BTLA: variants seen among roughly 807,000 people sequenced by gnomAD.
BTLA encodes B- and T-lymphocyte attenuator.
In BTLA, 11 loss-of-function variants were observed where a neutral mutation model predicts 25.0. The ratio of observed to expected loss-of-function variants is 0.44; its 90% CI spans 0.28 to 0.73. BTLA has a LOEUF of 0.73. Among genes scored for constraint, BTLA ranks in the 30% least tolerant of loss-of-function variants. BTLA has a pLI of 0.15. For missense variants in BTLA, 282 were observed against 332.8 expected, an observed-to-expected ratio of 0.85 and a Z score of 1.19; for synonymous variants, 104 against 119.8, an observed-to-expected ratio of 0.87 and a Z score of 0.86.
In BTLA at chr3:112,465,888, T is replaced by C. The variant is rs1473772842; in HGVS notation, c.*220A>G. 1 of 413,640 alleles carries C rather than the reference T, an allele frequency of 2.4e-6. No individual in the cohort carries two copies. Among genetic ancestry groups the C allele is most frequent in the Non-Finnish European group, 4.2e-6 (1 of 238,346 alleles). 25.6% of individuals were successfully genotyped at this position (413,640 alleles called of 1,614,324 possible). On this transcript the variant is annotated 3_prime_UTR_variant, in exon 5 of 5. Coordinates refer to ENST00000334529, the MANE Select transcript of BTLA (RefSeq NM_181780.4). ...ATGATGTCAACCAGTTTTGGAGAGA[T>C]TTTGTTATTCAAGGCTATAATATAA...
At chr3:112,489,021 C>T (rs2082365502) in intron 1 of BTLA, among the ~76,000 whole-genome samples, 1 of 152,106 alleles carries the variant, frequency 6.6e-6, no homozygotes, top group African/African-American at 2.4e-5. Flanking sequence ...GGTTGCACAG[C>T]AGAGACAGCT....
intron 1 of BTLA, among the ~76,000 whole-genome samples, chr3:112,486,950 G>A (rs2082350940): frequency 6.6e-6 from 1 of 152,142 alleles, no homozygotes; most frequent in Non-Finnish European, 1.5e-5. Context: ...AATGTTGAAA[G>A]GCTGGAGTAT....
chr3:112,471,857 C>T lies in BTLA; in HGVS notation c.404-502G>A, dbSNP rs139351044. Reference sequence around the variant, plus strand: ...TATCAGAATCTCCAAATATCAAATACTTTTGATAGCCTTAAAAGTGCTCTG... The same window carrying T: ...TATCAGAATCTCCAAATATCAAATATTTTTGATAGCCTTAAAAGTGCTCTG... On this transcript the variant is annotated intron_variant, in intron 2 of 4. Transcript: ENST00000334529. Among the ~76,000 whole-genome samples, 611 of 152,302 alleles carry T rather than the reference C, an allele frequency of 4.0e-3. 1 individual carries two copies. The highest frequency in any genetic ancestry group is 6.6e-3 in the Non-Finnish European group (448 of 68,020).
At chr3:112,466,481 T>A (rs1326145054) in intron 4 of BTLA, 98 bp from the exon 5 acceptor site, 2 of 1,138,176 alleles carry the variant, frequency 1.8e-6, no homozygotes, top group Non-Finnish European at 2.4e-6. Flanking sequence ...TGGAGTCATG[T>A]CCATTGTGAG....
rs1453978735 is a variant in BTLA, at chr3:112,466,339, C to T, written c.639G>A (p.Arg213=). 4 of 1,612,828 alleles carry T rather than the reference C, an allele frequency of 2.5e-6. No individual in the cohort carries two copies. Among genetic ancestry groups the T allele is most frequent in the Non-Finnish European group, 3.4e-6 (4 of 1,179,412 alleles). Residue 213 remains arginine (R), a synonymous_variant, in exon 5 of 5, where the codon AGG becomes AGA. Coordinates refer to ENST00000334529, the MANE Select transcript of BTLA (RefSeq NM_181780.4). ...LKSEQTEAST[R]QNSQVLLSET... Reference sequence around the variant, plus strand: ...CTGATAGCAGTACTTGGGAATTTTGCCTGGTGCTTGCTTCTGTTTGCTCAC... The same window carrying T: ...CTGATAGCAGTACTTGGGAATTTTGTCTGGTGCTTGCTTCTGTTTGCTCAC...
chr3:112,487,303 G>A (rs1477095792), intron 1 of BTLA, among the ~76,000 whole-genome samples: 1 of 152,186 alleles, frequency 6.6e-6, no homozygotes, highest in Non-Finnish European at 1.5e-5. Context: ...AAAGGAAACC[G>A]GCCGGGCGTG....
intron 2 of BTLA, among the ~76,000 whole-genome samples, chr3:112,477,599 A>G (rs2082295824): frequency 6.6e-6 from 1 of 152,026 alleles, no homozygotes; most frequent in Non-Finnish European, 1.5e-5. Flanking sequence ...AATTTTTATG[A>G]AGTCCAATTT....
chr3:112,470,604 C>T (rs1368466086), intron 3 of BTLA, among the ~76,000 whole-genome samples: 1 of 152,188 alleles, frequency 6.6e-6, no homozygotes, highest in Admixed American at 6.5e-5. Flanking sequence ...TGAGAGAGTT[C>T]TTGCAAAAGT....
chr3:112,466,938 C>G (rs1307537051), intron 4 of BTLA, among the ~76,000 whole-genome samples: 1 of 144,702 alleles, frequency 6.9e-6, no homozygotes, highest in Non-Finnish European at 1.5e-5. Context: ...AGTTGTTATT[C>G]CTATCAAAAG....
chr3:112,497,176 G>A (rs1197591091), intron 1 of BTLA, among the ~76,000 whole-genome samples: 1 of 151,958 alleles, frequency 6.6e-6, no homozygotes, highest in African/African-American at 2.4e-5. Context: ...TAATTACATA[G>A]AGGTTGCATG....
Position 112,465,957 on chromosome 3 carries a change from C to G in BTLA, c.*151G>C. 2 of 778,852 alleles carry G rather than the reference C, an allele frequency of 2.6e-6. No individual in the cohort carries two copies. The highest frequency in any genetic ancestry group is 3.8e-6 in the Non-Finnish European group (2 of 523,188). The allele number at this position is 778,852 out of a possible 1,614,324, so 48.2% of individuals were successfully genotyped here. A position where few individuals can be genotyped will look rare whatever the true frequency, so the allele number is the denominator to read the frequency against. On this transcript the variant is annotated 3_prime_UTR_variant, in exon 5 of 5. Coordinates refer to ENST00000334529, the MANE Select transcript of BTLA (RefSeq NM_181780.4). ...TCTGAGAGAAATTTTAATCATTTAT[C>G]CTATGGACCCTTAAGACCCAAGCAC...
chr3:112,468,412 C>T (rs1405037551), intron 4 of BTLA, among the ~76,000 whole-genome samples: 1 of 152,168 alleles, frequency 6.6e-6, no homozygotes, highest in Non-Finnish European at 1.5e-5. Context: ...TATTTAGCCC[C>T]AAGGGTATAA....
At chr3:112,489,038 T>A (rs2082365570) in intron 1 of BTLA, among the ~76,000 whole-genome samples, 1 of 152,150 alleles carries the variant, frequency 6.6e-6, no homozygotes, top group African/African-American at 2.4e-5. Flanking sequence ...AGCTAAGCCC[T>A]TAGAGAGGTG....
In BTLA at chr3:112,471,343, GCA is replaced by G; in HGVS notation, c.414_415del (p.Ala139LeufsTer48). On this transcript the variant is annotated frameshift_variant, in exon 3 of 5. Coordinates refer to ENST00000334529, the MANE Select transcript of BTLA (RefSeq NM_181780.4). LOFTEE classifies it high-confidence loss of function. ...TTCGTCCTTGGAGGGTCGTTCTGAG[GCA>G]CTTTTTACATCTGGAATGTTAGTAA... The G allele has an allele frequency of 6.2e-7, 1 of 1,613,594 alleles. No individual in the cohort carries two copies. Among genetic ancestry groups the G allele is most frequent in the Non-Finnish European group, 8.5e-7 (1 of 1,179,724 alleles).
intron 2 of BTLA, among the ~76,000 whole-genome samples, chr3:112,478,803 A>G (rs1191990352): frequency 6.6e-6 from 1 of 151,940 alleles, no homozygotes; most frequent in Non-Finnish European, 1.5e-5. Flanking sequence ...CTCCCCCCCT[A>G]TGTATTTTTT....
At chr3:112,491,918 AC>A (rs2082382885) in intron 1 of BTLA, among the ~76,000 whole-genome samples, 1 of 152,270 alleles carries the variant, frequency 6.6e-6, no homozygotes, top group African/African-American at 2.4e-5. Flanking sequence ...GAAAGGCAGC[AC>A]ATCCAATATA....
chr3:112,480,048 C>T (rs984595132), intron 1 of BTLA, among the ~76,000 whole-genome samples: 12 of 152,204 alleles, frequency 7.9e-5, no homozygotes, highest in Non-Finnish European at 1.3e-4. Context: ...TCCAGATGGC[C>T]TGAAGCAACT....
intron 1 of BTLA, among the ~76,000 whole-genome samples, chr3:112,492,244 T>G (rs1352334506): frequency 6.6e-6 from 1 of 152,182 alleles, no homozygotes; most frequent in Non-Finnish European, 1.5e-5. Flanking sequence ...TTATCGCCCT[T>G]GAATAGTAAA....
chr3:112,498,253 A>C (rs959900707), intron 1 of BTLA, among the ~76,000 whole-genome samples: 1 of 151,588 alleles, frequency 6.6e-6, no homozygotes, highest in Non-Finnish European at 1.5e-5. Flanking sequence ...CTAAAAATAC[A>C]AAAATTAGCT....
Sources: allele counts gnomAD v4.1 joint callset (sites outside exome capture counted in the v4.1 genomes callset), GRCh38; gene constraint gnomAD v4.1.1; transcripts MANE v1.5; gene names NCBI Gene and HGNC (gene_info 2026-07-23, HGNC 2026-07-21).